Variants in TRHDE observed in about 807,000 individuals in gnomAD.
TRHDE encodes thyrotropin releasing hormone degrading enzyme, also known as thyrotropin-releasing hormone-degrading ectoenzyme.
In TRHDE, 72 loss-of-function variants were observed where a neutral mutation model predicts 125.7. That is an observed-to-expected ratio of 0.57 (90% confidence interval 0.47 to 0.70). The LOEUF is 0.70. Ranked by LOEUF, TRHDE falls within the 30% of genes least tolerant of loss-of-function variation. The pLI is 0.00. For missense variants in TRHDE, 1,110 were observed against 1,327.1 expected, an observed-to-expected ratio of 0.84 and a Z score of 2.54; for synonymous variants, 509 against 509.1, an observed-to-expected ratio of 1.00 and a Z score of 0.00.
intron 2 of TRHDE, among the ~76,000 whole-genome samples, chr12:72,241,235 C>T (rs922708150): frequency 2.6e-5 from 4 of 152,164 alleles, no homozygotes; most frequent in African/African-American, 4.8e-5. Flanking sequence ...ATGTCACCAC[C>T]ACTACAATCA....
intron 5 of TRHDE, among the ~76,000 whole-genome samples, chr12:72,491,115 A>G (rs545340400): frequency 8.6e-5 from 13 of 152,016 alleles, no homozygotes; most frequent in Middle Eastern, 3.4e-3. Flanking sequence ...TTTACACAAT[A>G]ATATTTATTA....
Position 72,380,885 on chromosome 12 carries a change from T to TCTTC in TRHDE, c.1315+2784_1315+2787dup, listed in dbSNP as rs202006141. ...TTTCTCTCTCTCTCTCTTCTTTCTT[T>TCTTC]CTTCCTTCCTTCCTTCCTTCCTTTC... On this transcript the variant is annotated intron_variant, in intron 3 of 18. Transcript: ENST00000261180. Among the ~76,000 whole-genome samples, 164 of 146,750 alleles carry TCTTC rather than the reference T, an allele frequency of 1.1e-3. 1 individual carries two copies. The highest frequency in any genetic ancestry group is 3.5e-3 in the Middle Eastern group (1 of 288).
intron 15 of TRHDE, among the ~76,000 whole-genome samples, chr12:72,639,973 C>A (rs1873969525): frequency 1.7e-3 from 1 of 594 alleles, no homozygotes; most frequent in South Asian, 0.12. Context: ...TGTGCCCTGC[C>A]CCCCAGAGGT....
intron 9 of TRHDE, among the ~76,000 whole-genome samples, chr12:72,567,191 T>G (rs927973396): frequency 6.6e-6 from 1 of 151,976 alleles, no homozygotes; most frequent in African/African-American, 2.4e-5. Context: ...TTGTTGTTCA[T>G]GAACTACTGT....
chr12:72,541,306 G>C (rs1447896160), intron 6 of TRHDE, among the ~76,000 whole-genome samples: 1 of 151,366 alleles, frequency 6.6e-6, no homozygotes, highest in Non-Finnish European at 1.5e-5. Context: ...CTTCTTGAAG[G>C]CTTATTTATA....
At chr12:72,520,045 G>A (rs994792815) in intron 6 of TRHDE, among the ~76,000 whole-genome samples, 1 of 152,192 alleles carries the variant, frequency 6.6e-6, no homozygotes, top group African/African-American at 2.4e-5. Context: ...TCTCTTCAAA[G>A]CTGTCAGACA....
At chr12:72,520,163 C>G (rs1053435409) in intron 6 of TRHDE, among the ~76,000 whole-genome samples, 1 of 152,218 alleles carries the variant, frequency 6.6e-6, no homozygotes, top group Non-Finnish European at 1.5e-5. Context: ...CTGTGGTGGG[C>G]TCCACCCAGT....
chr12:72,499,775 C>A, intron 6 of TRHDE, 140 bp downstream of exon 6: 3 of 941,236 alleles, frequency 3.2e-6, no homozygotes, highest in Non-Finnish European at 3.0e-6. Context: ...TCACTAGGTT[C>A]GTGTCATTTT....
At chr12:72,519,249 T>G (rs1879048078) in intron 6 of TRHDE, among the ~76,000 whole-genome samples, 1 of 152,224 alleles carries the variant, frequency 6.6e-6, no homozygotes, top group Non-Finnish European at 1.5e-5. Context: ...GTTTTCCAAC[T>G]TGGTTCCATT....
At chr12:72,118,232 C>A (rs1023082868) in intron 2 of TRHDE, among the ~76,000 whole-genome samples, 4 of 151,764 alleles carry the variant, frequency 2.6e-5, no homozygotes, top group African/African-American at 9.7e-5. Context: ...CTTCTATACC[C>A]AGTTTTATGA....
chr12:72,661,423 G>A (rs1874912039), intron 18 of TRHDE, among the ~76,000 whole-genome samples: 1 of 152,022 alleles, frequency 6.6e-6, no homozygotes, highest in Non-Finnish European at 1.5e-5. Context: ...TACTTTAAAA[G>A]GAGCATATGT....
intron 5 of TRHDE, among the ~76,000 whole-genome samples, chr12:72,484,578 G>A (rs972867017): frequency 1.2e-4 from 19 of 152,186 alleles, no homozygotes; most frequent in Non-Finnish European, 1.9e-4. Flanking sequence ...TACAAGTCTG[G>A]CCAAAAATTA....
chr12:72,241,833 G>GT (rs148523396), intron 2 of TRHDE, among the ~76,000 whole-genome samples: 2 of 152,026 alleles, frequency 1.3e-5, no homozygotes, highest in South Asian at 4.1e-4. Flanking sequence ...TTTTCGTTAG[G>GT]TTTTTTTCAA....
At chr12:72,138,170 A>G (rs1876029142) in intron 2 of TRHDE, among the ~76,000 whole-genome samples, 1 of 152,094 alleles carries the variant, frequency 6.6e-6, no homozygotes, top group African/African-American at 2.4e-5. Flanking sequence ...AGGTCAGGAG[A>G]CTGAGACCAT....
At chr12:72,580,464 G>A (rs1871174104) in intron 12 of TRHDE, among the ~76,000 whole-genome samples, 1 of 152,084 alleles carries the variant, frequency 6.6e-6, no homozygotes, top group African/African-American at 2.4e-5. Context: ...TTTTTGAGAT[G>A]GAGTTTCACT....
intron 3 of TRHDE, among the ~76,000 whole-genome samples, chr12:72,383,182 A>AT (rs1401257957): frequency 5.9e-5 from 9 of 152,106 alleles, no homozygotes; most frequent in Non-Finnish European, 8.8e-5. Flanking sequence ...AATCCTTTCT[A>AT]TATCTATGCG....
In TRHDE at chr12:72,568,054, G is replaced by GT. The variant is rs918251878; in HGVS notation, c.2043-505dup. Among the ~76,000 whole-genome samples the GT allele has an allele frequency of 3.8e-4, 57 of 151,306 alleles. 1 individual carries two copies. Among genetic ancestry groups the GT allele is most frequent in the South Asian group, 3.5e-3 (17 of 4,792 alleles). Reference sequence around the variant, plus strand: ...TCTGGATTGTATGGGAATCTGACTAGTTTTTTTTTCTTTCTGCTGAGTAAC... The same window carrying GT: ...TCTGGATTGTATGGGAATCTGACTAGTTTTTTTTTTCTTTCTGCTGAGTAAC... On this transcript the variant is annotated intron_variant, in intron 9 of 18. Coordinates refer to ENST00000261180, the MANE Select transcript of TRHDE (RefSeq NM_013381.3).
In TRHDE at chr12:72,555,730, T is replaced by C. The variant is rs549328427; in HGVS notation, c.1789-6435T>C. On this transcript the variant is annotated intron_variant, in intron 7 of 18. Coordinates refer to ENST00000261180, the MANE Select transcript of TRHDE (RefSeq NM_013381.3). ...CTCAAGGTTAGGGAATGTGAAAACATCCTCTGAAGTGCATGGGCCAGGCTT... is the reference window on the plus strand; with the variant it reads ...CTCAAGGTTAGGGAATGTGAAAACACCCTCTGAAGTGCATGGGCCAGGCTT... Among the ~76,000 whole-genome samples the C allele has an allele frequency of 2.6e-5, 4 of 152,252 alleles. No homozygotes were observed. In the South Asian group the frequency reaches 8.3e-4, roughly 32 times the overall value.
At chr12:72,239,565 GC>G (rs1446399005) in intron 2 of TRHDE, among the ~76,000 whole-genome samples, 1 of 152,148 alleles carries the variant, frequency 6.6e-6, no homozygotes, top group Non-Finnish European at 1.5e-5. Context: ...AGTGGCATTT[GC>G]TGATGGATTT....
Sources: gnomAD v4.1 joint callset for allele counts (sites outside exome capture counted in the v4.1 genomes callset) on GRCh38, gnomAD v4.1.1 for gene constraint, MANE v1.5 for transcripts, NCBI Gene and HGNC (gene_info 2026-07-23, HGNC 2026-07-21) for gene names.